Variants in NELL1 observed in about 807,000 individuals in gnomAD.
NELL1 encodes the protein neural EGFL like 1, also known as protein kinase C-binding protein NELL1.
A neutral mutation model predicts 107.4 loss-of-function variants in NELL1; 76 were observed. The observed-to-expected ratio is 0.71, with a 90% CI of 0.59 to 0.86. NELL1 has a LOEUF of 0.86. NELL1 is among the 40% of genes least tolerant of loss of function. The probability of loss-of-function intolerance (pLI) is 0.00; values close to 1 mark genes in which losing one functional copy is unlikely to be tolerated. For missense variants in NELL1, 1,024 were observed against 1,005.5 expected, an observed-to-expected ratio of 1.02 and a Z score of -0.25; for synonymous variants, 353 against 341.2, an observed-to-expected ratio of 1.03 and a Z score of -0.38.
chr11:20,899,953 T>C (rs1425059988), intron 5 of NELL1, among the ~76,000 whole-genome samples: 2 of 152,180 alleles, frequency 1.3e-5, no homozygotes, highest in African/African-American at 4.8e-5. Flanking sequence ...ATTGAAAGTC[T>C]ATTGTACCAG....
At chr11:21,205,673 C>T (rs1408104217) in intron 13 of NELL1, among the ~76,000 whole-genome samples, 1 of 152,150 alleles carries the variant, frequency 6.6e-6, no homozygotes, top group Non-Finnish European at 1.5e-5. Flanking sequence ...AAAAAAGAAA[C>T]TCCTGCAGCA....
rs1199817546 is a variant in NELL1 at position 21,232,159 on chromosome 11, AAT to A, written c.1549+2723_1549+2724del. 4.9e-3 allele frequency among the ~76,000 whole-genome samples: 356 copies of A among 73,184 alleles called. 9 individuals are homozygous for A. Among genetic ancestry groups the A allele is most frequent in the South Asian group, 0.01 (21 of 2,080 alleles). The allele number at this position is 73,184 out of a possible 152,430, so 48.0% of individuals were successfully genotyped here. ...TACTAAAAAAAAATAAAAAAAAAAAAATATATATATATATATATAAATTAGCT... is the reference window on the plus strand; with the variant it reads ...TACTAAAAAAAAATAAAAAAAAAAAAATATATATATATATATAAATTAGCT... On this transcript the variant is annotated intron_variant, in intron 14 of 19. Transcript: ENST00000357134.
intron 14 of NELL1, among the ~76,000 whole-genome samples, chr11:21,331,574 T>TG (rs1332399579): frequency 6.6e-6 from 1 of 152,100 alleles, no homozygotes; most frequent in Non-Finnish European, 1.5e-5. Flanking sequence ...TGCCTGACTC[T>TG]ACTGGTAATA....
At chr11:21,271,177 C>A (rs1848731575) in intron 14 of NELL1, among the ~76,000 whole-genome samples, 1 of 151,670 alleles carries the variant, frequency 6.6e-6, no homozygotes, top group Non-Finnish European at 1.5e-5. Context: ...AACAGGAAAT[C>A]AATAGAGAAA....
intron 14 of NELL1, chr11:21,284,062 C>T: frequency 2.7e-6 from 1 of 370,338 alleles, no homozygotes; most frequent in East Asian, 7.3e-5. Flanking sequence ...TGACCTCCAC[C>T]TCTGCCTCAC....
intron 16 of NELL1, among the ~76,000 whole-genome samples, chr11:21,547,949 G>T (rs145937649): frequency 1.5e-4 from 23 of 151,928 alleles, no homozygotes; most frequent in African/African-American, 5.3e-4. Context: ...GTAAGTAAGA[G>T]TTGGATTCAA....
At chr11:21,197,558 C>G (rs545084113) in intron 13 of NELL1, among the ~76,000 whole-genome samples, 1 of 152,234 alleles carries the variant, frequency 6.6e-6, no homozygotes, top group East Asian at 1.9e-4. Flanking sequence ...TCAACAGATG[C>G]ATTGAAGTTC....
At chr11:20,937,661 A>T (rs111462625) in intron 9 of NELL1, 125 bp from the exon 10 acceptor site, 1 of 682,122 alleles carries the variant, frequency 1.5e-6, no homozygotes, top group Non-Finnish European at 2.6e-6. Flanking sequence ...TTAGACAAAG[A>T]GATTTGTATT....
At chr11:20,743,466 T>G (rs572193863) in intron 2 of NELL1, among the ~76,000 whole-genome samples, 1 of 152,350 alleles carries the variant, frequency 6.6e-6, no homozygotes, top group East Asian at 1.9e-4. Context: ...CATGAGTTGT[T>G]GTAACAATGA....
At chr11:21,050,271 G>T (rs139865203) in intron 12 of NELL1, among the ~76,000 whole-genome samples, 1 of 133,670 alleles carries the variant, frequency 7.5e-6, no homozygotes, top group Non-Finnish European at 1.6e-5. Context: ...ACCCATCCCC[G>T]CCCCCCACTT....
At chr11:21,157,212 A>G (rs1037002468) in intron 13 of NELL1, among the ~76,000 whole-genome samples, 6 of 151,738 alleles carry the variant, frequency 4.0e-5, no homozygotes, top group African/African-American at 1.5e-4. Context: ...CACCAAATTA[A>G]AGAAATGAAA....
intron 12 of NELL1, among the ~76,000 whole-genome samples, chr11:21,100,280 A>G (rs960881005): frequency 1.7e-4 from 26 of 152,166 alleles, no homozygotes; most frequent in African/African-American, 6.0e-4. Flanking sequence ...GGCTTCCCAA[A>G]GTGCTAGGAT....
intron 16 of NELL1, among the ~76,000 whole-genome samples, chr11:21,543,652 C>T (rs1856352218): frequency 1.3e-5 from 2 of 152,000 alleles, no homozygotes; most frequent in Admixed American, 6.6e-5. Context: ...CCTCTGGAAG[C>T]TTGCCTGCTC....
At chr11:21,114,151 G>T (rs1252340049) in intron 13 of NELL1, among the ~76,000 whole-genome samples, 1 of 151,958 alleles carries the variant, frequency 6.6e-6, no homozygotes, top group Non-Finnish European at 1.5e-5. Context: ...CAAAGTTTAG[G>T]TATATGGGAG....
chr11:20,791,572 C>A (rs1423238630), intron 3 of NELL1, among the ~76,000 whole-genome samples: 1 of 152,076 alleles, frequency 6.6e-6, no homozygotes, highest in Non-Finnish European at 1.5e-5. Context: ...CATTTTTATA[C>A]CAAATTGCCC....
chr11:20,703,929 T>G (rs1458545738), intron 2 of NELL1, among the ~76,000 whole-genome samples: 1 of 152,206 alleles, frequency 6.6e-6, no homozygotes, highest in Non-Finnish European at 1.5e-5. Flanking sequence ...TCCAACTATG[T>G]GGTCAATTTT....
intron 15 of NELL1, among the ~76,000 whole-genome samples, chr11:21,448,183 T>C (rs895962594): frequency 6.6e-6 from 1 of 152,218 alleles, no homozygotes; most frequent in Admixed American, 6.5e-5. Context: ...ACTTGCTTTT[T>C]GGTTCTTATG....
intron 12 of NELL1, among the ~76,000 whole-genome samples, chr11:21,013,713 A>T (rs993036132): frequency 3.3e-5 from 5 of 152,160 alleles, no homozygotes; most frequent in African/African-American, 1.2e-4. Flanking sequence ...ACTTAGTTAC[A>T]ATTAATGAAC....
intron 13 of NELL1, among the ~76,000 whole-genome samples, chr11:21,147,306 ATC>A (rs1856003396): frequency 6.6e-6 from 1 of 152,118 alleles, no homozygotes; most frequent in African/African-American, 2.4e-5. Flanking sequence ...AACATTTTGA[ATC>A]TCTCTGTGGG....
Sources: gnomAD v4.1 joint callset for allele counts (sites outside exome capture counted in the v4.1 genomes callset) on GRCh38, gnomAD v4.1.1 for gene constraint, MANE v1.5 for transcripts, NCBI Gene and HGNC (gene_info 2026-07-23, HGNC 2026-07-21) for gene names.